The following GPHN variants were observed in gnomAD, a reference collection of about 807,000 sequenced individuals.
The protein encoded by GPHN is gephyrin.
A neutral mutation model predicts 95.5 loss-of-function variants in GPHN; 17 were observed. The ratio of observed to expected loss-of-function variants is 0.18; its 90% CI spans 0.12 to 0.27. The LOEUF is 0.27. GPHN is among the 10% of genes least tolerant of loss of function. The pLI is 1.00. For missense variants in GPHN, 660 were observed against 978.1 expected, an observed-to-expected ratio of 0.67 and a Z score of 4.34; for synonymous variants, 320 against 322.5, an observed-to-expected ratio of 0.99 and a Z score of 0.08.
chr14:67,396,874 C>T, the GPHN span, among the ~76,000 whole-genome samples: 1 of 152,202 alleles, frequency 6.6e-6, no homozygotes, highest in Admixed American at 6.5e-5. Context: ...CCATTTTCTT[C>T]CTTGATTCCT....
chr14:66,778,174 C>T (rs964504455), intron 3 of GPHN, among the ~76,000 whole-genome samples: 1 of 152,060 alleles, frequency 6.6e-6, no homozygotes, highest in Non-Finnish European at 1.5e-5. Flanking sequence ...TTCTTATACA[C>T]CAATAACAGA....
At chr14:66,938,781 A>G (rs2067251670) in intron 8 of GPHN, among the ~76,000 whole-genome samples, 1 of 152,332 alleles carries the variant, frequency 6.6e-6, no homozygotes, top group African/African-American at 2.4e-5. Flanking sequence ...ATGACAGACT[A>G]TTGTTAATTG....
intron 10 of GPHN, among the ~76,000 whole-genome samples, chr14:67,056,099 G>A (rs767497038): frequency 9.2e-5 from 14 of 152,346 alleles, no homozygotes; most frequent in Non-Finnish European, 7.3e-5. Flanking sequence ...AGCATGGAGG[G>A]GGACCCCAGC....
chr14:67,043,579 G>A (rs2074832925), intron 10 of GPHN, among the ~76,000 whole-genome samples: 1 of 152,088 alleles, frequency 6.6e-6, no homozygotes, highest in African/African-American at 2.4e-5. Flanking sequence ...GTATGAAGCC[G>A]ACTTGATCAT....
chr14:67,246,761 C>A, the GPHN span, among the ~76,000 whole-genome samples: 1 of 148,458 alleles, frequency 6.7e-6, no homozygotes, highest in African/African-American at 2.5e-5. Flanking sequence ...AAGTGATTCT[C>A]CTGCCTCAGC....
At chr14:67,569,653 A>G in the GPHN span, 1 of 513,808 alleles carries the variant, frequency 1.9e-6, no homozygotes, top group East Asian at 3.3e-5. Context: ...CACATCTGCA[A>G]CAGTGGAACA....
At chr14:67,644,545 C>A in the GPHN span, among the ~76,000 whole-genome samples, 28 of 152,336 alleles carry the variant, frequency 1.8e-4, no homozygotes, top group African/African-American at 6.5e-4. Flanking sequence ...TCCTAAGATG[C>A]TTAAGCTGCA....
the GPHN span, among the ~76,000 whole-genome samples, chr14:67,634,019 C>A: frequency 6.6e-6 from 1 of 152,140 alleles, no homozygotes; most frequent in Non-Finnish European, 1.5e-5. Context: ...CAGCCTGTGA[C>A]CTCCTTGAAG....
the GPHN span, among the ~76,000 whole-genome samples, chr14:67,490,898 G>A: frequency 6.6e-6 from 1 of 152,144 alleles, no homozygotes; most frequent in Non-Finnish European, 1.5e-5. Context: ...TGGGCGTGGA[G>A]GGGGGCAGAT....
the GPHN span, among the ~76,000 whole-genome samples, chr14:67,630,086 G>A: frequency 7.2e-5 from 11 of 152,152 alleles, no homozygotes; most frequent in African/African-American, 2.7e-4. Context: ...TTCCAGTTCG[G>A]GTAGGGACTC....
At chr14:66,584,083 C>G (rs891255893) in intron 1 of GPHN, among the ~76,000 whole-genome samples, 12 of 152,052 alleles carry the variant, frequency 7.9e-5, no homozygotes, top group Non-Finnish European at 1.5e-4. Flanking sequence ...TTGTAGTTCT[C>G]CTTGAAGAGG....
the GPHN span, chr14:67,279,801 A>T: frequency 2.8e-6 from 1 of 363,154 alleles, no homozygotes; most frequent in Non-Finnish European, 4.9e-6. Context: ...CCTAACATTT[A>T]AAGCCTTGAA....
intron 1 of GPHN, among the ~76,000 whole-genome samples, chr14:66,594,833 T>G (rs541325127): frequency 5.7e-4 from 87 of 152,036 alleles, no homozygotes; most frequent in African/African-American, 2.0e-3. Flanking sequence ...GACATCAAAC[T>G]AAAAAGCTTC....
At position 66,684,617 on chromosome 14, in the gene GPHN, A is replaced by G. The variant is rs150366088; in HGVS notation, c.143+3432A>G. Among the ~76,000 whole-genome samples the G allele has an allele frequency of 1.9e-3, 295 of 152,292 alleles. 1 individual carries two copies. The highest frequency in any genetic ancestry group is 6.8e-3 in the African/African-American group (283 of 41,564). The stretch of plus-strand genomic sequence containing the variant: ...AGTATTTTACTGCCATTGTAGTAAA[A>G]CTTGTTACTGGGCTTGAATGAACCA... On this transcript the variant is annotated intron_variant, in intron 2 of 22. Coordinates refer to ENST00000478722, the MANE Select transcript of GPHN (RefSeq NM_020806.5).
chr14:67,602,326 T>C, the GPHN span, among the ~76,000 whole-genome samples: 1 of 152,220 alleles, frequency 6.6e-6, no homozygotes, highest in South Asian at 2.1e-4. Context: ...GGGAAATCCG[T>C]CCCCATGATC....
chr14:67,484,009 T>G, the GPHN span, among the ~76,000 whole-genome samples: 3 of 152,214 alleles, frequency 2.0e-5, no homozygotes, highest in African/African-American at 7.2e-5. Context: ...ACTGGCAGGC[T>G]GGCATCCCAG....
chr14:67,564,123 G>A, the GPHN span, among the ~76,000 whole-genome samples: 7 of 151,060 alleles, frequency 4.6e-5, no homozygotes, highest in African/African-American at 1.5e-4. Flanking sequence ...GGATGGTCTC[G>A]ATCTCCTGAC....
intron 11 of GPHN, among the ~76,000 whole-genome samples, chr14:67,065,688 CTTCT>C (rs2076024146): frequency 6.6e-6 from 1 of 150,878 alleles, no homozygotes; most frequent in Admixed American, 6.6e-5. Context: ...ATATAATGGC[CTTCT>C]TTGTCTCTTT....
the GPHN span, chr14:67,733,900 G>A: frequency 4.3e-6 from 6 of 1,393,656 alleles, no homozygotes; most frequent in Middle Eastern, 1.8e-4. Flanking sequence ...ATAATGAACA[G>A]GGACCAAGGA....
Sources: allele counts gnomAD v4.1 joint callset (sites outside exome capture counted in the v4.1 genomes callset), GRCh38; gene constraint gnomAD v4.1.1; transcripts MANE v1.5; gene names NCBI Gene and HGNC (gene_info 2026-07-23, HGNC 2026-07-21).